The following ZBTB39 variants were observed in gnomAD, a reference collection of about 807,000 sequenced individuals.
The protein encoded by ZBTB39 is zinc finger and BTB domain-containing protein 39.
Under a neutral mutation model 39.4 loss-of-function variants are expected in ZBTB39, and 25 were observed. The ratio of observed to expected loss-of-function variants is 0.63; its 90% confidence interval spans 0.46 to 0.89. The LOEUF (loss-of-function observed/expected upper bound fraction) is 0.89, where lower values mean the gene tolerates loss of function less well. Among genes scored for constraint, ZBTB39 ranks in the 40% least tolerant of loss-of-function variants. The pLI is 0.00. For missense variants in ZBTB39, 891 were observed against 909.7 expected, an observed-to-expected ratio of 0.98 and a Z score of 0.26; for synonymous variants, 373 against 359.6, an observed-to-expected ratio of 1.04 and a Z score of -0.42.
chr12:57,004,276 G>A lies in ZBTB39; in HGVS notation c.642C>T (p.Thr214=), dbSNP rs111802991. The A allele has an allele frequency of 1.0e-3, 1,686 of 1,614,200 alleles. 20 individuals carry two copies. In the African/African-American group the frequency reaches 0.018, roughly 17 times the overall value. The stretch of plus-strand genomic sequence containing the variant: ...TAGGAATGGACGTGAAGGGAGCAGG[G>A]GTGTCATGGTCTTCTGTCTTTGGCG... ...PPPPKTEDHD[T]PAPFTSIPSM... The change falls in exon 2 of 2, where the codon ACC becomes ACT. Residue 214 remains threonine, a synonymous_variant. Transcript: ENST00000300101.
chr12:57,003,861 C>T lies in ZBTB39; in HGVS notation c.1057G>A (p.Glu353Lys). 1 of 1,614,186 alleles carries T rather than the reference C, an allele frequency of 6.2e-7. No homozygotes were observed. The highest frequency in any genetic ancestry group is 8.5e-7 in the Non-Finnish European group (1 of 1,180,030). Residue 353 changes from glutamate to lysine, a missense_variant, in exon 2 of 2, where the codon GAG (glutamate) becomes AAG (lysine). Coordinates refer to ENST00000300101, the MANE Select transcript of ZBTB39 (RefSeq NM_014830.3). This position sits in a 1 kb window ranked among gnomAD's most constrained non-coding sequence, Gnocchi z 4.8. ...MPCQVCKKVL[E>K]PNIQLIRQHA... is the part of the protein sequence containing the mutation. The stretch of plus-strand genomic sequence containing the variant: ...TGCCGGATCAGTTGAATGTTGGGCT[C>T]TAGAACTTTCTTGCACACCTGGCAG...
chr12:57,003,217 A>C lies in ZBTB39; in HGVS notation c.1701T>G (p.Asp567Glu). Residue 567 changes from aspartate (D) to glutamate (E), a missense_variant, in exon 2 of 2, where the codon GAT becomes GAG. Asp to Glu is a conservative substitution (Grantham distance 45). Coordinates refer to ENST00000300101, the MANE Select transcript of ZBTB39 (RefSeq NM_014830.3). The surrounding 1 kb of genome is among the most constrained non-coding windows in gnomAD (Gnocchi z 4.8). ...VSQHKCNSGL[D>E]ARPGFGLQHP... ...GCTGCAGCCCAAAACCAGGCCGTGC[A>C]TCAAGGCCACTGTTGCATTTGTGCT... The C allele has an allele frequency of 6.2e-7, 1 of 1,614,204 alleles. No homozygotes were observed. Among genetic ancestry groups the C allele is most frequent in the Non-Finnish European group, 8.5e-7 (1 of 1,180,022 alleles).
chr12:56,999,216 G>A lies in ZBTB39; in HGVS notation c.*3563C>T, dbSNP rs1199120911. 6.6e-6 allele frequency: 1 copy of A among 152,140 alleles called. No individual in the cohort carries two copies. Among genetic ancestry groups the A allele is most frequent in the East Asian group, 1.9e-4 (1 of 5,196 alleles). 9.4% of individuals were successfully genotyped at this position (152,140 alleles called of 1,614,324 possible). ...ACTAATGCTGTGCACCCTGCCTCCT[G>A]ACTCATTTGGTGCAGGATTTAGGGA... On this transcript the variant is annotated 3_prime_UTR_variant, in exon 2 of 2. Coordinates refer to ENST00000300101, the MANE Select transcript of ZBTB39 (RefSeq NM_014830.3).
Position 57,003,056 on chromosome 12 carries a change from T to A in ZBTB39, c.1862A>T (p.Asn621Ile). Residue 621 changes from asparagine to isoleucine, a missense_variant, in exon 2 of 2, where the codon AAC becomes ATC. Coordinates refer to ENST00000300101, the MANE Select transcript of ZBTB39 (RefSeq NM_014830.3). This position sits in a 1 kb window ranked among gnomAD's most constrained non-coding sequence, Gnocchi z 4.8. ...GKRFAHTSEFNYHRRIHTGEK... is the reference protein window; with the variant it reads ...GKRFAHTSEFIYHRRIHTGEK... ...CCCCGTGTGGATCCGCCGGTGGTAG[T>A]TGAATTCGCTTGTGTGGGCAAATCT... 6.2e-7 allele frequency: 1 copy of A among 1,611,510 alleles called. No individual in the cohort carries two copies.
At chr12:57,005,823 TAAGG>T (rs1956241585) in intron 1 of ZBTB39, among the ~76,000 whole-genome samples, 1 of 152,242 alleles carries the variant, frequency 6.6e-6, no homozygotes, top group African/African-American at 2.4e-5. Flanking sequence ...CCTGCACGAC[TAAGG>T]AAGAAGAGCT....
In ZBTB39 at chr12:57,004,839, C is replaced by CT; in HGVS notation, c.78dup (p.Glu27ArgfsTer39). The CT allele has an allele frequency of 6.2e-7, 1 of 1,613,988 alleles. No homozygotes were observed. The highest frequency in any genetic ancestry group is 8.5e-7 in the Non-Finnish European group (1 of 1,179,888). ...ACAATGGTGACGTCGCACATGGTCT[C>CT]TGAGAGCCGGCACTTGTTGAGTTCC... On this transcript the variant is annotated frameshift_variant, in exon 2 of 2. Transcript: ENST00000300101. LOFTEE classifies it high-confidence loss of function.
chr12:57,006,043 G>A (rs1388425192), intron 1 of ZBTB39, among the ~76,000 whole-genome samples: 7 of 152,202 alleles, frequency 4.6e-5, no homozygotes, highest in Non-Finnish European at 1.0e-4. Flanking sequence ...GAGGGTGGGA[G>A]AGGGGGAAGC....
At position 57,003,523 on chromosome 12, in the gene ZBTB39, A is replaced by G. The variant is rs1221844136; in HGVS notation, c.1395T>C (p.His465=). The change falls in exon 2 of 2, where the codon CAT becomes CAC. Residue 465 remains histidine (H), a synonymous_variant. Transcript: ENST00000300101. This position sits in a 1 kb window ranked among gnomAD's most constrained non-coding sequence, Gnocchi z 4.8. ...GGTCAAGGATGTGGCCCCGGACCAC[A>G]TGGAAATCTTTGGCCAATACTTTCC... The part of the protein sequence containing the change: ...ACGKVLAKDF[H]VVRGHILDHL... The G allele has an allele frequency of 6.2e-7, 1 of 1,614,076 alleles. No individual in the cohort carries two copies. The highest frequency in any genetic ancestry group is 1.7e-5 in the Admixed American group (1 of 60,024).
Position 57,003,836 on chromosome 12 carries a change from TG to T in ZBTB39, c.1081del (p.Gln361SerfsTer10). ...VLEPNIQLIRQHARDHVDLLT... is the reference protein window; with the variant it reads ...VLEPNIQLIRXHARDHVDLLT... The stretch of plus-strand genomic sequence containing the variant: ...CAGGTCCACATGGTCCCGAGCATGC[TG>T]CCGGATCAGTTGAATGTTGGGCTCT... On this transcript the variant is annotated frameshift_variant, in exon 2 of 2. Transcript: ENST00000300101. LOFTEE classifies it high-confidence loss of function. The surrounding 1 kb of genome is among the most constrained non-coding windows in gnomAD (Gnocchi z 4.8). 6.2e-7 allele frequency: 1 copy of T among 1,614,230 alleles called. No individual in the cohort carries two copies. The highest frequency in any genetic ancestry group is 8.5e-7 in the Non-Finnish European group (1 of 1,180,038).
In ZBTB39 at chr12:57,003,133, C is replaced by T. The variant is rs773300348; in HGVS notation, c.1785G>A (p.Ala595=). The change falls in exon 2 of 2, where the codon GCG becomes GCA. Residue 595 remains alanine (A), a synonymous_variant. Coordinates refer to ENST00000300101, the MANE Select transcript of ZBTB39 (RefSeq NM_014830.3). This position sits in a 1 kb window ranked among gnomAD's most constrained non-coding sequence, Gnocchi z 4.8. ...TGCTGTTCCCAGGTTGGCCCTGCAGCGCCAGCTCTTCACCCAGAAACTCCT... is the reference window on the plus strand; with the variant it reads ...TGCTGTTCCCAGGTTGGCCCTGCAGTGCCAGCTCTTCACCCAGAAACTCCT... ...PAEEFLGEEL[A]LQGQPGNSKY... is the part of the protein sequence containing the mutation. 1.6e-5 allele frequency: 26 copies of T among 1,614,040 alleles called. No individual in the cohort carries two copies. Among genetic ancestry groups the T allele is most frequent in the South Asian group, 4.4e-5 (4 of 91,088 alleles).
At position 57,000,387 on chromosome 12, in the gene ZBTB39, TCA is replaced by T; in HGVS notation, c.*2390_*2391del. ...GGTTTACTGGCAAAAAGGGAAAACT[TCA>T]CAGTTTCAGGTTAAGTACACAGACC... On this transcript the variant is annotated 3_prime_UTR_variant, in exon 2 of 2. Coordinates refer to ENST00000300101, the MANE Select transcript of ZBTB39 (RefSeq NM_014830.3). The T allele has an allele frequency of 6.6e-6, 1 of 152,546 alleles. No individual in the cohort carries two copies. The highest frequency in any genetic ancestry group is 1.5e-5 in the Non-Finnish European group (1 of 68,022). 9.4% of individuals were successfully genotyped at this position (152,546 alleles called of 1,614,324 possible).
chr12:57,005,169 T>C (rs890605170), intron 1 of ZBTB39, among the ~76,000 whole-genome samples: 4 of 152,174 alleles, frequency 2.6e-5, no homozygotes, highest in Non-Finnish European at 5.9e-5. Context: ...CCAAAACGAC[T>C]GATGACAATC....
Position 57,002,977 on chromosome 12 carries a change from G to A in ZBTB39, c.1941C>T (p.Thr647=). Residue 647 remains threonine, a synonymous_variant, in exon 2 of 2, where the codon ACC becomes ACT. Transcript: ENST00000300101. ...VCHKFFRGRS[T]IKCHLKTHSG... is the part of the protein sequence containing the mutation. ...AGTGTGTCTTTAGGTGGCACTTGATGGTCGAGCGGCCTCGAAAGAACTTGT... is the reference window on the plus strand; with the variant it reads ...AGTGTGTCTTTAGGTGGCACTTGATAGTCGAGCGGCCTCGAAAGAACTTGT... The A allele has an allele frequency of 6.2e-7, 1 of 1,614,246 alleles. No homozygotes were observed.
Position 57,002,767 on chromosome 12 carries a change from G to A in ZBTB39, c.*12C>T. Reference sequence around the variant, plus strand: ...CTGCTTGGGAGCTCCCCGTGGCTCTGCCGGGACCCAGTCAACTGTCCGGGT... The same window carrying A: ...CTGCTTGGGAGCTCCCCGTGGCTCTACCGGGACCCAGTCAACTGTCCGGGT... On this transcript the variant is annotated 3_prime_UTR_variant, in exon 2 of 2. Coordinates refer to ENST00000300101, the MANE Select transcript of ZBTB39 (RefSeq NM_014830.3). 6.2e-7 allele frequency: 1 copy of A among 1,606,828 alleles called. No homozygotes were observed. The highest frequency in any genetic ancestry group is 8.5e-7 in the Non-Finnish European group (1 of 1,174,646).
In ZBTB39 at chr12:57,001,954, T is replaced by A. The variant is rs1258597395; in HGVS notation, c.*825A>T. The A allele has an allele frequency of 1.3e-5, 2 of 152,210 alleles. No homozygotes were observed. Among genetic ancestry groups the A allele is most frequent in the East Asian group, 3.9e-4 (2 of 5,154 alleles). The allele number at this position is 152,210 out of a possible 1,614,324, so 9.4% of individuals were successfully genotyped here. A position where few individuals can be genotyped will look rare whatever the true frequency, so the allele number is the denominator to read the frequency against. ...AACAGAAGTGGCCAAAACAGATGAC[T>A]ATATCAAAGTGGTTCCCTATCCTCT... On this transcript the variant is annotated 3_prime_UTR_variant, in exon 2 of 2. Coordinates refer to ENST00000300101, the MANE Select transcript of ZBTB39 (RefSeq NM_014830.3).
Position 57,003,763 on chromosome 12 carries a change from G to C in ZBTB39, c.1155C>G (p.Asn385Lys). The change falls in exon 2 of 2, where the codon AAC (asparagine) becomes AAG (lysine). Residue 385 changes from asparagine to lysine, a missense_variant. Physicochemically the swap from Asn to Lys is moderately conservative, Grantham distance 94. Coordinates refer to ENST00000300101, the MANE Select transcript of ZBTB39 (RefSeq NM_014830.3). This position sits in a 1 kb window ranked among gnomAD's most constrained non-coding sequence, Gnocchi z 4.8. ...KVCETHFQDR[N>K]SRVTHVLSHI... is the part of the protein sequence containing the mutation. ...GGGACAGGACATGAGTTACCCGGGA[G>C]TTTCGGTCCTGGAAGTGGGTCTCGC... The C allele has an allele frequency of 6.2e-7, 1 of 1,614,232 alleles. No individual in the cohort carries two copies. Among genetic ancestry groups the C allele is most frequent in the Non-Finnish European group, 8.5e-7 (1 of 1,180,040 alleles).
Position 57,005,518 on chromosome 12 carries a change from T to C in ZBTB39, c.-44-557A>G, listed in dbSNP as rs1456693469. Among the ~76,000 whole-genome samples, 8 of 152,308 alleles carry C rather than the reference T, an allele frequency of 5.3e-5. 1 individual carries two copies. Among genetic ancestry groups the C allele is most frequent in the African/African-American group, 1.9e-4 (8 of 41,570 alleles). ...CCCATCTCTCTCTGCCTATACTACA[T>C]ACCCGCTCTCTGGCCTTTCGATAAC... On this transcript the variant is annotated intron_variant, in intron 1 of 1. Coordinates refer to ENST00000300101, the MANE Select transcript of ZBTB39 (RefSeq NM_014830.3).
Position 57,004,513 on chromosome 12 carries a change from G to T in ZBTB39, c.405C>A (p.Thr135=). ...LESTARAKPL[T]STSESHSGTL... ...TACCAGAGTGGCTCTCACTGGTGCT[G>T]GTCAGGGGCTTGGCCCTGGCAGTGC... The change falls in exon 2 of 2, where the codon ACC becomes ACA. Residue 135 remains threonine, a synonymous_variant. Coordinates refer to ENST00000300101, the MANE Select transcript of ZBTB39 (RefSeq NM_014830.3). 1 of 1,614,154 alleles carries T rather than the reference G, an allele frequency of 6.2e-7. No individual in the cohort carries two copies. Among genetic ancestry groups the T allele is most frequent in the Non-Finnish European group, 8.5e-7 (1 of 1,180,034 alleles).
In ZBTB39 at chr12:57,004,278, T is replaced by C; in HGVS notation, c.640A>G (p.Thr214Ala). ...GGAATGGACGTGAAGGGAGCAGGGG[T>C]GTCATGGTCTTCTGTCTTTGGCGGT... ...PPPPKTEDHD[T>A]PAPFTSIPSM... Residue 214 changes from threonine (T) to alanine (A), a missense_variant, in exon 2 of 2, where the codon ACC (threonine) becomes GCC (alanine). By Grantham distance (58) the Thr-to-Ala change is moderately conservative (BLOSUM62 0). Coordinates refer to ENST00000300101, the MANE Select transcript of ZBTB39 (RefSeq NM_014830.3). 1 of 1,613,658 alleles carries C rather than the reference T, an allele frequency of 6.2e-7. No individual in the cohort carries two copies. Among genetic ancestry groups the C allele is most frequent in the Non-Finnish European group, 8.5e-7 (1 of 1,179,920 alleles).
Sources: gnomAD v4.1 joint callset for allele counts (sites outside exome capture counted in the v4.1 genomes callset) on GRCh38, gnomAD v4.1.1 for gene constraint, Gnocchi (gnomAD v3.1) non-coding constraint, MANE v1.5 for transcripts, NCBI Gene and HGNC (gene_info 2026-07-23, HGNC 2026-07-21) for gene names.